CCR5AS: variants seen among roughly 807,000 people sequenced by gnomAD.
CCR5AS encodes the protein CCR5 antisense RNA.
intron 1 of CCR5AS, among the ~76,000 whole-genome samples, chr3:46,399,281 T>C (rs1226461801): frequency 6.6e-6 from 1 of 152,216 alleles, no homozygotes; most frequent in Non-Finnish European, 1.5e-5. Context: ...TCATGGGCAC[T>C]TGATGCATTA....
intron 1 of CCR5AS, among the ~76,000 whole-genome samples, chr3:46,395,499 G>A (rs1047077752): frequency 6.6e-6 from 1 of 152,148 alleles, no homozygotes; most frequent in African/African-American, 2.4e-5. Context: ...AGAGGGCTGT[G>A]GGAGTAAGAG....
At chr3:46,367,332 A>G (rs1225245599) in intron 3 of CCR5AS, among the ~76,000 whole-genome samples, 2 of 151,446 alleles carry the variant, frequency 1.3e-5, no homozygotes, top group South Asian at 4.2e-4. Flanking sequence ...TTTTTTAATA[A>G]TATAGGAAAA....
chr3:46,364,634 C>CTATATA (rs3054358), exon 4 of CCR5AS, among the ~76,000 whole-genome samples: 422 of 149,466 alleles, frequency 2.8e-3, no homozygotes, highest in South Asian at 0.011. Flanking sequence ...TAAGAAATAG[C>CTATATA]TATATATATA....
intron 1 of CCR5AS, among the ~76,000 whole-genome samples, chr3:46,397,434 A>G (rs1252141685): frequency 6.6e-6 from 1 of 152,234 alleles, no homozygotes; most frequent in Non-Finnish European, 1.5e-5. Context: ...AGTTTAATGA[A>G]GGATTCTATA....
intron 2 of CCR5AS, among the ~76,000 whole-genome samples, chr3:46,384,423 G>C (rs1280126032): frequency 6.6e-6 from 1 of 152,198 alleles, no homozygotes; most frequent in Admixed American, 6.5e-5. Flanking sequence ...CACAGCTGCC[G>C]GCATTCACTC....
At chr3:46,386,527 A>G (rs1701864383) in intron 2 of CCR5AS, among the ~76,000 whole-genome samples, 1 of 152,232 alleles carries the variant, frequency 6.6e-6, no homozygotes, top group Non-Finnish European at 1.5e-5. Flanking sequence ...ATGGTGAGAA[A>G]GCAAGGGTAG....
intron 1 of CCR5AS, among the ~76,000 whole-genome samples, chr3:46,403,111 T>C (rs1368398302): frequency 2.6e-5 from 4 of 152,248 alleles, no homozygotes; most frequent in Non-Finnish European, 4.4e-5. Context: ...ATGGTGTATA[T>C]GTACCACACT....
intron 2 of CCR5AS, chr3:46,374,528 G>A (rs1701725293): frequency 6.0e-6 from 1 of 167,158 alleles, no homozygotes; most frequent in African/African-American, 2.4e-5. Context: ...CGAGAGACTT[G>A]TGGCCTGGGA....
intron 2 of CCR5AS, among the ~76,000 whole-genome samples, chr3:46,391,008 G>C (rs554745178): frequency 1.3e-5 from 2 of 152,374 alleles, no homozygotes; most frequent in Admixed American, 1.3e-4. Flanking sequence ...CTTCTGAGGT[G>C]ATCAGGCAGT....
At chr3:46,382,203 A>G (rs1161802389) in intron 2 of CCR5AS, among the ~76,000 whole-genome samples, 2 of 152,218 alleles carry the variant, frequency 1.3e-5, no homozygotes, top group Non-Finnish European at 2.9e-5. Context: ...GTGTACAGTA[A>G]AGGAACAGGC....
rs376687230 is a variant in CCR5AS, at chr3:46,373,408, C to A, written n.392-1991G>T. On this transcript the variant is annotated intron_variant and non_coding_transcript_variant, in intron 2 of 3. Coordinates refer to ENST00000451485, the Ensembl canonical transcript of CCR5AS. ...CTCCCAGGAATCATCTTTACCAGAT[C>A]TCAAAAAGAAGGTCTTCATTACACC... The A allele has an allele frequency of 5.0e-6, 8 of 1,612,222 alleles. No individual in the cohort carries two copies. The African/African-American group carries it at 1.1e-4, about 22-fold the overall frequency.
rs569433974 is a variant in CCR5AS, at chr3:46,370,472, C to T, written n.565+772G>A. On this transcript the variant is annotated intron_variant and non_coding_transcript_variant, in intron 3 of 3. Transcript: ENST00000451485. ...CAGGGTTAATGTGAAGTCCAGGATC[C>T]CCCTCTACATTTAAAGTTGGTTTAA... Among the ~76,000 whole-genome samples, 11 of 152,160 alleles carry T rather than the reference C, an allele frequency of 7.2e-5. No individual in the cohort carries two copies. The South Asian group carries it at 2.1e-3, about 29-fold the overall frequency.
intron 1 of CCR5AS, among the ~76,000 whole-genome samples, chr3:46,405,396 A>G (rs1702035399): frequency 6.6e-6 from 1 of 152,164 alleles, no homozygotes; most frequent in Admixed American, 6.5e-5. Context: ...TTTGTCCTCT[A>G]CTAATGAGGA....
Position 46,375,799 on chromosome 3 carries a change from G to C in CCR5AS, n.392-4382C>G, listed in dbSNP as rs529519962. 9.0e-5 allele frequency: 15 copies of C among 166,906 alleles called. No homozygotes were observed. The Admixed American group carries it at 9.8e-4, about 11-fold the overall frequency. The allele number at this position is 166,906 out of a possible 1,614,324, so 10.3% of individuals were successfully genotyped here. On this transcript the variant is annotated intron_variant and non_coding_transcript_variant, in intron 2 of 3. Transcript: ENST00000451485. ...TGGGTATATTCATTTCAAAGGGAGAGAGAGAGGTTTTTTTCTGTTCTGTCT... is the reference window on the plus strand; with the variant it reads ...TGGGTATATTCATTTCAAAGGGAGACAGAGAGGTTTTTTTCTGTTCTGTCT...
chr3:46,381,817 G>T (rs1701819191), intron 2 of CCR5AS, among the ~76,000 whole-genome samples: 1 of 152,236 alleles, frequency 6.6e-6, no homozygotes, highest in South Asian at 2.1e-4. Flanking sequence ...GGACTTGAAA[G>T]TCAGACTGAC....
intron 2 of CCR5AS, among the ~76,000 whole-genome samples, chr3:46,380,495 C>G (rs1272091568): frequency 6.6e-6 from 1 of 152,196 alleles, no homozygotes; most frequent in African/African-American, 2.4e-5. Flanking sequence ...GGTTTGAAAA[C>G]AAAAAGGTTG....
chr3:46,373,039 T>TG, intron 2 of CCR5AS: 4 of 1,614,180 alleles, frequency 2.5e-6, no homozygotes, highest in Non-Finnish European at 3.4e-6. Context: ...TTTGGTTTTG[T>TG]GGGCAACATG....
intron 1 of CCR5AS, among the ~76,000 whole-genome samples, chr3:46,395,630 C>G (rs969029633): frequency 2.0e-5 from 3 of 152,160 alleles, no homozygotes; most frequent in Non-Finnish European, 2.9e-5. Flanking sequence ...TGCCTGGTCT[C>G]CTCCTCTGCC....
chr3:46,381,660 G>GT (rs1701818070), intron 2 of CCR5AS, among the ~76,000 whole-genome samples: 1 of 152,160 alleles, frequency 6.6e-6, no homozygotes, highest in Admixed American at 6.5e-5. Flanking sequence ...CTCTACTTAG[G>GT]TTTACTGCCA....
Sources: allele counts gnomAD v4.1 joint callset (sites outside exome capture counted in the v4.1 genomes callset), GRCh38; gene constraint gnomAD v4.1.1; transcripts MANE v1.5; gene names NCBI Gene and HGNC (gene_info 2026-07-23, HGNC 2026-07-21).